HEATR5B: variants seen among roughly 807,000 people sequenced by gnomAD.
The protein encoded by HEATR5B is HEAT repeat containing 5B, also known as HEAT repeat-containing protein 5B.
A neutral mutation model predicts 224.1 loss-of-function variants in HEATR5B; 156 were observed. The observed-to-expected ratio is 0.70, with a 90% CI of 0.61 to 0.80. HEATR5B has a LOEUF of 0.80. Ranked by LOEUF, HEATR5B falls within the 30% of genes least tolerant of loss-of-function variation. The pLI, the probability that HEATR5B is intolerant of heterozygous loss-of-function variation, is 0.00. For missense variants in HEATR5B, 2,323 were observed against 2,535.5 expected (o/e 0.92, Z 1.80); for synonymous variants, 1,027 against 893.0 (o/e 1.15, Z -2.68).
At chr2:37,038,844 G>C (rs13425754) in intron 20 of HEATR5B, among the ~76,000 whole-genome samples, 2 of 144,990 alleles carry the variant, frequency 1.4e-5, no homozygotes, top group African/African-American at 5.2e-5. Flanking sequence ...AGGTTGTAGC[G>C]AGCTGAGATC....
chr2:37,024,280 A>G (rs111780529), intron 24 of HEATR5B, among the ~76,000 whole-genome samples: 160 of 152,326 alleles, frequency 1.1e-3, no homozygotes, highest in Admixed American at 1.5e-3. Flanking sequence ...AGTACATGGA[A>G]TTACAGTTAA....
At chr2:37,049,100 A>C (rs1670377515) in intron 18 of HEATR5B, among the ~76,000 whole-genome samples, 1 of 152,178 alleles carries the variant, frequency 6.6e-6, no homozygotes, top group Non-Finnish European at 1.5e-5. Flanking sequence ...CATCATCTTA[A>C]TGAAACATCA....
intron 26 of HEATR5B, among the ~76,000 whole-genome samples, chr2:37,018,304 T>C (rs1040482575): frequency 2.6e-5 from 4 of 152,184 alleles, no homozygotes; most frequent in African/African-American, 7.2e-5. Context: ...ATCAGGAGCA[T>C]TGTAGGAGAT....
In HEATR5B at chr2:36,985,030, G is replaced by A. The variant is rs957047249; in HGVS notation, c.5912-3236C>T. Among the ~76,000 whole-genome samples, 19 of 152,062 alleles carry A rather than the reference G, an allele frequency of 1.2e-4. 1 individual carries two copies. The highest frequency in any genetic ancestry group is 6.6e-5 in the Admixed American group (1 of 15,240). The stretch of plus-strand genomic sequence containing the variant: ...GCTTATAACCTTGGTCATGCAGGGT[G>A]AAAAAACATATACTGCCCATTCTTA... On this transcript the variant is annotated intron_variant, in intron 35 of 35. Coordinates refer to ENST00000233099, the MANE Select transcript of HEATR5B (RefSeq NM_019024.3).
chr2:37,022,107 T>C (rs1007621767), intron 24 of HEATR5B, among the ~76,000 whole-genome samples: 1 of 152,042 alleles, frequency 6.6e-6, no homozygotes, highest in African/African-American at 2.4e-5. Context: ...CCTTGGCTAA[T>C]AAACCTCTAT....
At chr2:37,009,096 A>G (rs1667620551) in intron 27 of HEATR5B, among the ~76,000 whole-genome samples, 1 of 151,790 alleles carries the variant, frequency 6.6e-6, no homozygotes, top group South Asian at 2.1e-4. Flanking sequence ...TGTCTCTACG[A>G]AAAATACAAA....
In HEATR5B at chr2:37,084,216, G is replaced by A. The variant is rs141595336; in HGVS notation, c.-23+53C>T. 1.4e-3 allele frequency: 510 copies of A among 359,492 alleles called. 6 individuals carry two copies. The highest frequency in any genetic ancestry group is 9.9e-3 in the African/African-American group (475 of 47,956). The allele number at this position is 359,492 out of a possible 1,614,324, so 22.3% of individuals were successfully genotyped here. A position where few individuals can be genotyped will look rare whatever the true frequency, so the allele number is the denominator to read the frequency against. On this transcript the variant is annotated intron_variant, in intron 1 of 35. Transcript: ENST00000233099. ...ATGTCTTCCCCACCCGTCTGAAAAT[G>A]TACGTCGGACAGGAGTCCGTGCGTG...
intron 26 of HEATR5B, among the ~76,000 whole-genome samples, chr2:37,018,303 A>T (rs944390015): frequency 1.8e-4 from 28 of 152,218 alleles, no homozygotes; most frequent in African/African-American, 6.5e-4. Flanking sequence ...GATCAGGAGC[A>T]TTGTAGGAGA....
chr2:37,053,185 G>C (rs570866606), intron 17 of HEATR5B, among the ~76,000 whole-genome samples: 89 of 152,290 alleles, frequency 5.8e-4, no homozygotes, highest in African/African-American at 2.1e-3. Context: ...TCAAGCTTCA[G>C]CTCTATTTAG....
rs1275639798 is a variant in HEATR5B, at chr2:37,058,545, C to A, written c.1965G>T (p.Met655Ile). ...MTMMSHIPSV[M>I]KAHGAHLKAS... Reference sequence around the variant, plus strand: ...CTTTCAGATGAGCTCCATGGGCTTTCATTACAGATGGAATGCTAAAATATC... The same window carrying A: ...CTTTCAGATGAGCTCCATGGGCTTTAATTACAGATGGAATGCTAAAATATC... The change falls in exon 14 of 36, where the codon ATG (methionine) becomes ATT (isoleucine). Residue 655 changes from methionine to isoleucine, a missense_variant. This residue lies in a region of HEATR5B where 502 missense variants were observed against 517.8 expected (regional missense o/e 0.97). Transcript: ENST00000233099. The A allele has an allele frequency of 1.2e-6, 2 of 1,607,466 alleles. No homozygotes were observed. The highest frequency in any genetic ancestry group is 1.7e-5 in the Admixed American group (1 of 59,998).
intron 26 of HEATR5B, among the ~76,000 whole-genome samples, chr2:37,016,960 A>C (rs1253780641): frequency 6.6e-6 from 1 of 152,208 alleles, no homozygotes; most frequent in African/African-American, 2.4e-5. Context: ...TATGAACATG[A>C]AAAGAAAGAG....
intron 13 of HEATR5B, 47 bp from the exon 14 acceptor site, chr2:37,058,607 T>A (rs368984392): frequency 1.5e-6 from 2 of 1,311,258 alleles, no homozygotes; most frequent in Admixed American, 1.8e-5. Flanking sequence ...AGAATAAGTA[T>A]TACTTATAAA....
intron 18 of HEATR5B, among the ~76,000 whole-genome samples, chr2:37,044,958 A>G (rs1369025142): frequency 6.6e-6 from 1 of 152,208 alleles, no homozygotes; most frequent in African/African-American, 2.4e-5. Flanking sequence ...AGATGTCAAT[A>G]CACAAATACA....
At chr2:37,059,656 G>A (rs1671156526) in intron 12 of HEATR5B, among the ~76,000 whole-genome samples, 1 of 151,220 alleles carries the variant, frequency 6.6e-6, no homozygotes, top group Non-Finnish European at 1.5e-5. Context: ...TAGAGACAAG[G>A]TTTCACCATA....
chr2:37,029,861 C>G (rs146074994), intron 22 of HEATR5B, among the ~76,000 whole-genome samples: 1 of 151,544 alleles, frequency 6.6e-6, no homozygotes, highest in African/African-American at 2.4e-5. Context: ...ATGGCTTGAA[C>G]CTGGGAGGCG....
intron 2 of HEATR5B, among the ~76,000 whole-genome samples, chr2:37,082,130 T>A (rs1444787782): frequency 2.3e-4 from 32 of 137,768 alleles, no homozygotes. Context: ...AGTGCATTAG[T>A]GCGATCTCGG....
At chr2:37,027,219 C>T (rs943796722) in intron 24 of HEATR5B, among the ~76,000 whole-genome samples, 1 of 152,170 alleles carries the variant, frequency 6.6e-6, no homozygotes, top group Non-Finnish European at 1.5e-5. Context: ...AATTTGTCTT[C>T]AGATATTTAA....
chr2:37,049,521 G>A (rs910566803), intron 18 of HEATR5B, 132 bp downstream of exon 18: 2 of 747,198 alleles, frequency 2.7e-6, no homozygotes, highest in Non-Finnish European at 4.3e-6. Flanking sequence ...TAAAAATTGA[G>A]ATCATTACAA....
intron 34 of HEATR5B, among the ~76,000 whole-genome samples, chr2:36,990,354 C>A (rs1160594338): frequency 6.6e-6 from 1 of 152,162 alleles, no homozygotes; most frequent in African/African-American, 2.4e-5. Flanking sequence ...CCTTTAATGT[C>A]CTTAGCGTCA....
Sources: gnomAD v4.1 joint callset for allele counts (sites outside exome capture counted in the v4.1 genomes callset) on GRCh38, gnomAD v4.1.1 for gene constraint, gnomAD v4.1.1 regional missense constraint, MANE v1.5 for transcripts, NCBI Gene and HGNC (gene_info 2026-07-23, HGNC 2026-07-21) for gene names.